PIK3C2G: variants seen among roughly 807,000 people sequenced by gnomAD.
PIK3C2G encodes the protein phosphatidylinositol-4-phosphate 3-kinase catalytic subunit type 2 gamma.
Under a neutral mutation model 181.1 loss-of-function variants are expected in PIK3C2G, and 168 were observed. The observed-to-expected ratio is 0.93, with a 90% CI of 0.82 to 1.05. PIK3C2G has a LOEUF of 1.05. Among genes scored for constraint, PIK3C2G ranks in the 50% least tolerant of loss-of-function variants. The pLI is 0.00. For missense variants in PIK3C2G, 1,869 were observed against 1,732.8 expected, an observed-to-expected ratio of 1.08 and a Z score of -1.40; for synonymous variants, 573 against 592.2, an observed-to-expected ratio of 0.97 and a Z score of 0.47.
At chr12:18,695,188 A>G in the PIK3C2G span, 2 of 1,087,660 alleles carry the variant, frequency 1.8e-6, no homozygotes, top group East Asian at 2.5e-5. Flanking sequence ...CAAATGTTCT[A>G]TGAGCAAGTA....
intron 6 of PIK3C2G, among the ~76,000 whole-genome samples, chr12:18,316,351 T>A (rs1307128018): frequency 6.6e-6 from 1 of 152,210 alleles, no homozygotes; most frequent in Non-Finnish European, 1.5e-5. Context: ...ATAATCATAT[T>A]GCTGTCATCA....
intron 29 of PIK3C2G, among the ~76,000 whole-genome samples, chr12:18,572,334 G>A (rs1383714675): frequency 6.8e-6 from 1 of 146,552 alleles, no homozygotes. Flanking sequence ...CGGCCTTATT[G>A]TAATTATATA....
In PIK3C2G at chr12:18,331,837, G is replaced by A. The variant is rs75218339; in HGVS notation, c.1273-6589G>A. On this transcript the variant is annotated intron_variant, in intron 8 of 32. Transcript: ENST00000538779. ...AGTTATATTTTACTGGGTTGAAAAAGCTTCCTTCTATAGTTTACTAAGAGC... is the reference window on the plus strand; with the variant it reads ...AGTTATATTTTACTGGGTTGAAAAAACTTCCTTCTATAGTTTACTAAGAGC... Among the ~76,000 whole-genome samples the A allele has an allele frequency of 9.2e-3, 1,401 of 152,066 alleles. 24 individuals carry two copies. The highest frequency in any genetic ancestry group is 0.033 in the African/African-American group (1,349 of 41,490).
chr12:18,450,520 C>G (rs1947289178), intron 18 of PIK3C2G, among the ~76,000 whole-genome samples: 1 of 152,168 alleles, frequency 6.6e-6, no homozygotes, highest in South Asian at 2.1e-4. Flanking sequence ...AATGTTCCCT[C>G]CTTCTGTACA....
At chr12:18,706,219 G>A in the PIK3C2G span, among the ~76,000 whole-genome samples, 2 of 150,706 alleles carry the variant, frequency 1.3e-5, no homozygotes, top group Admixed American at 1.3e-4. Context: ...GTGACGGAAT[G>A]AGACTCTGTC....
At position 18,570,949 on chromosome 12, in the gene PIK3C2G, A is replaced by C. The variant is rs945026607; in HGVS notation, c.4011+3892A>C. ...TCAAAATAAATGCCACGGCAAAGGA[A>C]AATTATAGAGATTCACTACAGATGG... is the stretch of plus-strand genomic sequence containing the variant. On this transcript the variant is annotated intron_variant, in intron 29 of 32. Transcript: ENST00000538779. Among the ~76,000 whole-genome samples, 3 of 150,948 alleles carry C rather than the reference A, an allele frequency of 2.0e-5. No individual in the cohort carries two copies. In the South Asian group the frequency reaches 6.2e-4, roughly 31 times the overall value.
In PIK3C2G at chr12:18,346,768, C is replaced by T. The variant is rs200199246; in HGVS notation, c.1557C>T (p.Pro519=). 49 of 1,613,664 alleles carry T rather than the reference C, an allele frequency of 3.0e-5. No homozygotes were observed. In the East Asian group the frequency reaches 8.0e-4, roughly 26 times the overall value. Residue 519 remains proline (P), a synonymous_variant, in exon 11 of 33, where the codon CCC becomes CCT. Coordinates refer to ENST00000538779, the MANE Select transcript of PIK3C2G (RefSeq NM_001288772.2). ...NVPRCTSYLN[P]GLPSHLSFTV... is the part of the protein sequence containing the mutation. ...CTAGATGCACTTCCTATCTAAATCC[C>T]GGGCTTCCTTCCCACCTCAGCTTCA...
intron 30 of PIK3C2G, among the ~76,000 whole-genome samples, chr12:18,595,643 T>C (rs1947321560): frequency 6.6e-6 from 1 of 152,142 alleles, no homozygotes; most frequent in African/African-American, 2.4e-5. Context: ...AGTTAAACCT[T>C]CTCTTTGGCT....
At position 18,367,318 on chromosome 12, in the gene PIK3C2G, G is replaced by A. The variant is rs192060543; in HGVS notation, c.1749-3862G>A. Among the ~76,000 whole-genome samples the A allele has an allele frequency of 5.9e-4, 90 of 152,264 alleles. 2 individuals are homozygous for A. The East Asian group carries it at 0.015, about 26-fold the overall frequency. ...TACCTTAAATGAATATGACAAGTGT[G>A]AAAGAATTTGAAAGAAAACAAAGAG... On this transcript the variant is annotated intron_variant, in intron 12 of 32. Coordinates refer to ENST00000538779, the MANE Select transcript of PIK3C2G (RefSeq NM_001288772.2).
chr12:18,678,673 G>A, the PIK3C2G span, among the ~76,000 whole-genome samples: 1 of 152,084 alleles, frequency 6.6e-6, no homozygotes, highest in Middle Eastern at 3.4e-3. Flanking sequence ...ATTAATGCAT[G>A]TATGAATAGT....
At chr12:18,327,631 T>C (rs934715951) in intron 8 of PIK3C2G, among the ~76,000 whole-genome samples, 1 of 152,080 alleles carries the variant, frequency 6.6e-6, no homozygotes, top group African/African-American at 2.4e-5. Context: ...CTCTCTTCTA[T>C]TCCATTAAAA....
intron 16 of PIK3C2G, among the ~76,000 whole-genome samples, chr12:18,416,063 G>A (rs560596668): frequency 6.6e-6 from 1 of 152,226 alleles, no homozygotes; most frequent in South Asian, 2.1e-4. Context: ...TGGCCAAGAT[G>A]GTGAAACCCC....
intron 25 of PIK3C2G, among the ~76,000 whole-genome samples, chr12:18,541,568 G>C (rs541924852): frequency 6.6e-6 from 1 of 151,936 alleles, no homozygotes. Context: ...TTCTCTATGT[G>C]ATGGGGAAGA....
intron 11 of PIK3C2G, among the ~76,000 whole-genome samples, chr12:18,352,483 T>C (rs1355712899): frequency 1.3e-5 from 2 of 152,166 alleles, no homozygotes; most frequent in Non-Finnish European, 2.9e-5. Context: ...AGTAGAACTC[T>C]GTGTAGCCCC....
At chr12:18,651,037 A>G (rs1950492925), downstream of PIK3C2G, among the ~76,000 whole-genome samples, 1 of 151,904 alleles carries the variant, frequency 6.6e-6, no homozygotes, top group South Asian at 2.1e-4. Flanking sequence ...GTAAAAGCCC[A>G]AGCCTTTAAA....
intron 11 of PIK3C2G, among the ~76,000 whole-genome samples, chr12:18,359,869 G>T (rs1230670382): frequency 6.6e-6 from 1 of 151,968 alleles, no homozygotes; most frequent in Non-Finnish European, 1.5e-5. Context: ...TTTGTAAGTA[G>T]CATCTAGTTG....
At chr12:18,602,482 G>A (rs1280310946) in intron 30 of PIK3C2G, among the ~76,000 whole-genome samples, 1 of 151,514 alleles carries the variant, frequency 6.6e-6, no homozygotes, top group Non-Finnish European at 1.5e-5. Flanking sequence ...ATAATTGTGG[G>A]AGTTCTAGGA....
intron 8 of PIK3C2G, among the ~76,000 whole-genome samples, chr12:18,337,606 C>G (rs894468159): frequency 6.6e-6 from 1 of 152,072 alleles, no homozygotes; most frequent in Non-Finnish European, 1.5e-5. Context: ...AGGTGTCTCA[C>G]GTGGCGAGAG....
At chr12:18,253,213 G>C (rs939038160) in intron 1 of PIK3C2G, among the ~76,000 whole-genome samples, 11 of 152,208 alleles carry the variant, frequency 7.2e-5, no homozygotes, top group African/African-American at 2.6e-4. Flanking sequence ...TCTCCTTGTT[G>C]CATCAGCTTT....
Sources: allele counts gnomAD v4.1 joint callset (sites outside exome capture counted in the v4.1 genomes callset), GRCh38; gene constraint gnomAD v4.1.1; transcripts MANE v1.5; gene names NCBI Gene and HGNC (gene_info 2026-07-23, HGNC 2026-07-21).